PVALEF: variants seen among roughly 807,000 people sequenced by gnomAD.
The protein encoded by PVALEF is parvalbumin like EF-hand containing.
PVALEF carries 2 observed loss-of-function variants against 1.2 expected under a neutral mutation model. That is an observed-to-expected ratio of 1.68 (90% CI 0.69 to 5.28). PVALEF has a LOEUF of 5.28. PVALEF is among the 30% of genes most tolerant of loss of function. The pLI, the probability that PVALEF is intolerant of heterozygous loss-of-function variation, is 0.06. For synonymous variants in PVALEF, 16 were observed against 6.5 expected (o/e 2.47, Z -2.24); for missense variants, 35 against 17.7 (o/e 1.97, Z -1.75).
rs548858501 is a variant in PVALEF at position 81,181,356 on chromosome 17, C to T, written c.106+24C>T. 1,225 of 632,580 alleles carry T rather than the reference C, an allele frequency of 1.9e-3. 3 individuals are homozygous for T. Among genetic ancestry groups the T allele is most frequent in the Admixed American group, 3.4e-3 (144 of 42,804 alleles). 39.2% of individuals were successfully genotyped at this position (632,580 alleles called of 1,614,324 possible). ...CGGTACAGCATGCCCCCGCCCGGCG[C>T]GGCCCCCCGCCCGTCCAGCCCCGCT... On this transcript the variant is annotated intron_variant, in intron 4 of 6. Transcript: ENST00000637878.
At chr17:81,180,482 GA>G (rs1402941335) in intron 3 of PVALEF, among the ~76,000 whole-genome samples, 4 of 152,132 alleles carry the variant, frequency 2.6e-5, no homozygotes, top group African/African-American at 9.7e-5. Context: ...CTGGCTGGGG[GA>G]ATCAGCCACT....
chr17:81,167,921 C>T (rs1212061102), intron 2 of PVALEF, among the ~76,000 whole-genome samples: 2 of 152,228 alleles, frequency 1.3e-5, no homozygotes, highest in Non-Finnish European at 2.9e-5. Flanking sequence ...GCCCAGAGGG[C>T]TGGGAGGATC....
At chr17:81,165,987 C>G (rs373545119) in intron 1 of PVALEF, 15 of 1,578,618 alleles carry the variant, frequency 9.5e-6, no homozygotes, top group Non-Finnish European at 1.3e-5. Context: ...AGAAGGACGA[C>G]GACATGGCCG....
intron 2 of PVALEF, among the ~76,000 whole-genome samples, chr17:81,176,939 T>TC (rs1308949213): frequency 1.3e-5 from 2 of 150,952 alleles, no homozygotes; most frequent in African/African-American, 4.9e-5. Context: ...TTTTTTTTTT[T>TC]TTTTTGAGAC....
At chr17:81,167,708 G>A (rs1195064996) in intron 2 of PVALEF, among the ~76,000 whole-genome samples, 1 of 152,240 alleles carries the variant, frequency 6.6e-6, no homozygotes, top group Non-Finnish European at 1.5e-5. Flanking sequence ...GACACCAACT[G>A]CACCTGGGGC....
chr17:81,181,876 T>C, intron 5 of PVALEF, 90 bp from the exon 6 acceptor site: 1 of 398,182 alleles, frequency 2.5e-6, no homozygotes. Flanking sequence ...CGAAGTGCCC[T>C]TGCCTACAAG....
rs1353039389 is a variant in PVALEF at position 81,166,801 on chromosome 17, AG to A, written c.-381del. 1 of 455,594 alleles carries A rather than the reference AG, an allele frequency of 2.2e-6. No homozygotes were observed. The highest frequency in any genetic ancestry group is 4.4e-6 in the Non-Finnish European group (1 of 226,068). The allele number at this position is 455,594 out of a possible 1,614,324, so 28.2% of individuals were successfully genotyped here. On this transcript the variant is annotated 5_prime_UTR_variant, in exon 2 of 7. The change creates a premature stop within an existing upstream ORF in the 5' untranslated region. Coordinates refer to ENST00000637878, the MANE Select transcript of PVALEF (RefSeq NM_001354639.2). The stretch of plus-strand genomic sequence containing the variant: ...CTGTACCGTGCTGCGACAGCCATGA[AG>A]GAAGAACCTGGCTGAGTCTCCACCT...
At chr17:81,165,812 C>A in intron 1 of PVALEF, 65 bp downstream of exon 1, 1 of 1,504,076 alleles carries the variant, frequency 6.6e-7, no homozygotes, top group East Asian at 2.6e-5. Flanking sequence ...CCGGCTGCTT[C>A]TGCTGCTGGG....
At chr17:81,171,065 A>C (rs2061518879) in intron 2 of PVALEF, among the ~76,000 whole-genome samples, 1 of 152,182 alleles carries the variant, frequency 6.6e-6, no homozygotes, top group Admixed American at 6.5e-5. Context: ...GGGGTCAGTG[A>C]GACCTGAACC....
intron 2 of PVALEF, among the ~76,000 whole-genome samples, chr17:81,172,402 CAAAAACA>C (rs2061523644): frequency 6.6e-6 from 1 of 152,192 alleles, no homozygotes; most frequent in African/African-American, 2.4e-5. Flanking sequence ...GCTTCTTGGA[CAAAAACA>C]CTCACTGCAA....
intron 1 of PVALEF, chr17:81,166,086 C>A: frequency 1.1e-6 from 1 of 878,024 alleles, no homozygotes; most frequent in Non-Finnish European, 1.4e-6. Context: ...CAGCGGCCGC[C>A]GCAGGTGCGG....
chr17:81,172,387 G>A lies in PVALEF; in HGVS notation c.-340+5543G>A, dbSNP rs772940639. Among the ~76,000 whole-genome samples the A allele has an allele frequency of 5.2e-4, 79 of 152,216 alleles. 1 individual carries two copies. The highest frequency in any genetic ancestry group is 4.3e-4 in the Non-Finnish European group (29 of 68,028). On this transcript the variant is annotated intron_variant, in intron 2 of 6. Transcript: ENST00000637878. ...TAACGTGAACATGGCCAAGGAAAGG[G>A]AGGGGCTTCTTGGACAAAAACACTC...
intron 3 of PVALEF, among the ~76,000 whole-genome samples, chr17:81,179,809 G>A (rs1028927920): frequency 6.6e-6 from 1 of 152,226 alleles, no homozygotes; most frequent in African/African-American, 2.4e-5. Context: ...ATGTAGCAAT[G>A]CTGGGGCGGT....
intron 2 of PVALEF, among the ~76,000 whole-genome samples, chr17:81,167,465 G>A (rs561874715): frequency 5.3e-5 from 8 of 152,342 alleles, no homozygotes; most frequent in South Asian, 2.1e-4. Flanking sequence ...GGTGAGAGGC[G>A]CCCACTCCAA....
intron 1 of PVALEF, 91 bp from the exon 2 acceptor site, chr17:81,166,586 T>A: frequency 2.5e-6 from 1 of 406,906 alleles, no homozygotes; most frequent in Non-Finnish European, 4.9e-6. Flanking sequence ...GGGGTACTCC[T>A]AGGTGGAAAG....
intron 3 of PVALEF, among the ~76,000 whole-genome samples, chr17:81,179,510 C>G (rs950300358): frequency 2.0e-5 from 3 of 152,182 alleles, no homozygotes; most frequent in Admixed American, 2.0e-4. Context: ...CACTCTGTCC[C>G]TAGGCCCCCA....
intron 3 of PVALEF, among the ~76,000 whole-genome samples, chr17:81,180,049 C>T (rs1376140848): frequency 1.3e-5 from 2 of 152,178 alleles, no homozygotes; most frequent in African/African-American, 4.8e-5. Context: ...GCCCGGGCCG[C>T]GGATGCACGA....
At chr17:81,174,552 C>T (rs541810101) in intron 2 of PVALEF, among the ~76,000 whole-genome samples, 24 of 152,016 alleles carry the variant, frequency 1.6e-4, no homozygotes, top group Admixed American at 1.3e-3. Flanking sequence ...ATCTCTTGAA[C>T]CCGGGAGGCA....
intron 2 of PVALEF, among the ~76,000 whole-genome samples, 176 bp from the exon 3 acceptor site, chr17:81,178,742 C>T (rs1426449552): frequency 6.6e-6 from 1 of 152,252 alleles, no homozygotes; most frequent in African/African-American, 2.4e-5. Flanking sequence ...CAGCCCCTCC[C>T]ACTGTGTACA....
Sources: gnomAD v4.1 joint callset for allele counts (sites outside exome capture counted in the v4.1 genomes callset) on GRCh38, gnomAD v4.1.1 for gene constraint, MANE v1.5 for transcripts, NCBI Gene and HGNC (gene_info 2026-07-23, HGNC 2026-07-21) for gene names.